The following KCNB2 variants were observed in gnomAD, a reference collection of about 807,000 sequenced individuals.
KCNB2 encodes the protein delayed rectifier potassium channel protein.
Under a neutral mutation model 61.5 loss-of-function variants are expected in KCNB2, and 15 were observed. The ratio of observed to expected loss-of-function variants is 0.24; its 90% confidence interval spans 0.16 to 0.38. KCNB2 has a LOEUF of 0.38. Ranked by LOEUF, KCNB2 falls within the 10% of genes least tolerant of loss-of-function variation. The pLI is 1.00. For missense variants in KCNB2, 828 were observed against 1,125.2 expected (o/e 0.74, Z 3.78); for synonymous variants, 457 against 446.0 (o/e 1.02, Z -0.31).
chr8:72,925,090 A>G (rs1806612735), intron 2 of KCNB2, among the ~76,000 whole-genome samples: 1 of 152,250 alleles, frequency 6.6e-6, no homozygotes, highest in South Asian at 2.1e-4. Flanking sequence ...GAGATTCATT[A>G]AAAGGAAAAA....
chr8:72,937,796 ACTT>A lies in KCNB2; in HGVS notation c.2445_2447del (p.Phe815del). 1 of 1,613,968 alleles carries A rather than the reference ACTT, an allele frequency of 6.2e-7. No individual in the cohort carries two copies. Among genetic ancestry groups the A allele is most frequent in the Non-Finnish European group, 8.5e-7 (1 of 1,180,002 alleles). The stretch of plus-strand genomic sequence containing the variant: ...GAAATAGATACTGGTGACGACGAAG[ACTT>A]CTTAGAGCTCCCAGGGGCAAGGGAG... On this transcript the variant is annotated inframe_deletion, in exon 3 of 3. Coordinates refer to ENST00000523207, the MANE Select transcript of KCNB2 (RefSeq NM_004770.3).
At chr8:72,820,323 T>C (rs370186598) in intron 2 of KCNB2, among the ~76,000 whole-genome samples, 23 of 152,326 alleles carry the variant, frequency 1.5e-4, no homozygotes, top group African/African-American at 5.3e-4. Context: ...TGATATCCCT[T>C]GAATAAAGAG....
intron 2 of KCNB2, among the ~76,000 whole-genome samples, chr8:72,602,627 T>C (rs1805372160): frequency 6.6e-6 from 1 of 152,144 alleles, no homozygotes; most frequent in African/African-American, 2.4e-5. Context: ...GCTTCAGCAA[T>C]AGCCATTTTA....
chr8:72,873,033 G>A (rs1229966416), intron 2 of KCNB2, among the ~76,000 whole-genome samples: 2 of 152,304 alleles, frequency 1.3e-5, no homozygotes, highest in Non-Finnish European at 1.5e-5. Context: ...AGACTCCACT[G>A]TGTGCACCGA....
intron 2 of KCNB2, among the ~76,000 whole-genome samples, chr8:72,858,708 C>T (rs1403708971): frequency 2.0e-5 from 3 of 152,174 alleles, no homozygotes; most frequent in Non-Finnish European, 2.9e-5. Context: ...AGATAGTTGT[C>T]GCTATAAATC....
chr8:72,565,651 CACACACACACA>C (rs900209960), intron 1 of KCNB2, among the ~76,000 whole-genome samples: 2 of 151,240 alleles, frequency 1.3e-5, no homozygotes, highest in African/African-American at 4.9e-5. Context: ...AGAATACACA[CACACACACACA>C]ACACACACAC....
At chr8:72,895,634 T>C (rs1472217613) in intron 2 of KCNB2, among the ~76,000 whole-genome samples, 1 of 152,188 alleles carries the variant, frequency 6.6e-6, no homozygotes, top group African/African-American at 2.4e-5. Context: ...TAAAGTTGCA[T>C]GTCATGGAGT....
chr8:72,928,579 A>G (rs1241827291), intron 2 of KCNB2, among the ~76,000 whole-genome samples: 1 of 151,924 alleles, frequency 6.6e-6, no homozygotes, highest in Non-Finnish European at 1.5e-5. Flanking sequence ...GCAAATATAC[A>G]TTTATTAAAT....
chr8:72,751,420 A>G (rs1347639074), intron 2 of KCNB2: 1 of 152,222 alleles, frequency 6.6e-6, no homozygotes, highest in African/African-American at 2.4e-5. Context: ...ATAATTTCAT[A>G]GCTAAAAGTG....
intron 2 of KCNB2, among the ~76,000 whole-genome samples, chr8:72,756,335 A>G (rs1808289504): frequency 6.6e-6 from 1 of 151,336 alleles, no homozygotes; most frequent in African/African-American, 2.4e-5. Context: ...GTTATCCTCC[A>G]CTCTGAGTCT....
At chr8:72,704,778 T>A (rs1807191806) in intron 2 of KCNB2, among the ~76,000 whole-genome samples, 2 of 151,994 alleles carry the variant, frequency 1.3e-5, no homozygotes, top group Non-Finnish European at 2.9e-5. Context: ...ACCCTCCCTC[T>A]CCCTCCACAG....
intron 2 of KCNB2, among the ~76,000 whole-genome samples, chr8:72,642,015 C>T (rs1806064147): frequency 6.6e-6 from 1 of 152,126 alleles, no homozygotes. Context: ...CTGCTAAGCT[C>T]AGCTCAGGAT....
At chr8:72,547,110 C>T (rs1339637300) in intron 1 of KCNB2, among the ~76,000 whole-genome samples, 1 of 152,138 alleles carries the variant, frequency 6.6e-6, no homozygotes, top group Non-Finnish European at 1.5e-5. Flanking sequence ...AACAATGAAG[C>T]CTGAATGAAC....
At chr8:72,668,933 A>G (rs1335747424) in intron 2 of KCNB2, among the ~76,000 whole-genome samples, 5 of 151,818 alleles carry the variant, frequency 3.3e-5, no homozygotes, top group East Asian at 1.9e-4. Context: ...GTGTGTGTGC[A>G]TGCATGTGTG....
intron 2 of KCNB2, among the ~76,000 whole-genome samples, chr8:72,684,312 G>C (rs1806812407): frequency 6.6e-6 from 1 of 152,224 alleles, no homozygotes; most frequent in South Asian, 2.1e-4. Flanking sequence ...TGGGACATCT[G>C]GGTGGCACTA....
intron 2 of KCNB2, among the ~76,000 whole-genome samples, chr8:72,758,755 A>G (rs929715790): frequency 6.6e-6 from 1 of 152,218 alleles, no homozygotes; most frequent in Non-Finnish European, 1.5e-5. Flanking sequence ...TAATGCTTAA[A>G]TAGTGATTTA....
rs193003261 is a variant in KCNB2 at position 72,673,304 on chromosome 8, G to A, written c.579+104991G>A. On this transcript the variant is annotated intron_variant, in intron 2 of 2. Coordinates refer to ENST00000523207, the MANE Select transcript of KCNB2 (RefSeq NM_004770.3). The stretch of plus-strand genomic sequence containing the variant: ...ACCGGGTGGAGATAATTGAATCATG[G>A]GAGCAGTTTCCCCCGTCCTGTTCTT... Among the ~76,000 whole-genome samples, 909 of 152,262 alleles carry A rather than the reference G, an allele frequency of 6.0e-3. 5 individuals are homozygous for A. The highest frequency in any genetic ancestry group is 6.6e-3 in the Non-Finnish European group (448 of 68,018).
intron 2 of KCNB2, chr8:72,619,326 A>G: frequency 3.3e-6 from 2 of 608,402 alleles, no homozygotes; most frequent in Admixed American, 1.9e-5. Flanking sequence ...CACACTCTCC[A>G]TGAGAAGGTC....
In KCNB2 at chr8:72,801,532, T is replaced by A. The variant is rs547606688; in HGVS notation, c.580-134403T>A. Among the ~76,000 whole-genome samples, 16 of 152,320 alleles carry A rather than the reference T, an allele frequency of 1.1e-4. No homozygotes were observed. In the South Asian group the frequency reaches 3.3e-3, roughly 32 times the overall value. Reference sequence around the variant, plus strand: ...CATACCTAATTTTTTTTCCGAAGCATTTCTTCATTTCAAAATACATTTATT... The same window carrying A: ...CATACCTAATTTTTTTTCCGAAGCAATTCTTCATTTCAAAATACATTTATT... On this transcript the variant is annotated intron_variant, in intron 2 of 2. Transcript: ENST00000523207.
Sources: allele counts gnomAD v4.1 joint callset (sites outside exome capture counted in the v4.1 genomes callset), GRCh38; gene constraint gnomAD v4.1.1; transcripts MANE v1.5; gene names NCBI Gene and HGNC (gene_info 2026-07-23, HGNC 2026-07-21).